The following URI1 variants were observed in gnomAD, a reference collection of about 807,000 sequenced individuals.
URI1 encodes URI1 prefoldin like chaperone.
URI1 carries 39 observed loss-of-function variants against 60.2 expected under a neutral mutation model. The ratio of observed to expected loss-of-function variants is 0.65; its 90% CI spans 0.50 to 0.85. The LOEUF (loss-of-function observed/expected upper bound fraction) is 0.85, where lower values mean the gene tolerates loss of function less well. URI1 is among the 40% of genes least tolerant of loss of function. The probability of loss-of-function intolerance (pLI) is 0.00; values close to 1 mark genes in which losing one functional copy is unlikely to be tolerated. For missense variants in URI1, 691 were observed against 665.9 expected, an observed-to-expected ratio of 1.04 and a Z score of -0.42; for synonymous variants, 251 against 236.8, an observed-to-expected ratio of 1.06 and a Z score of -0.55.
Position 30,005,562 on chromosome 19 carries a change from C to T in URI1, c.460-89C>T, listed in dbSNP as rs2055931110. On this transcript the variant is annotated intron_variant, in intron 5 of 10. Coordinates refer to ENST00000392271, the MANE Select transcript of URI1 (RefSeq NM_003796.3). ...AATTGAAGTTTAAAATGCTTTCAGA[C>T]ATCTTAGGTTGAATAGTTGCTCTTT... The T allele has an allele frequency of 4.6e-6, 7 of 1,510,136 alleles. No homozygotes were observed. The East Asian group carries it at 1.4e-4, about 30-fold the overall frequency. 93.5% of individuals were successfully genotyped at this position (1,510,136 alleles called of 1,614,324 possible).
intron 8 of URI1, among the ~76,000 whole-genome samples, chr19:30,009,614 A>G (rs1002836415): frequency 6.6e-5 from 10 of 152,116 alleles, no homozygotes; most frequent in East Asian, 1.9e-4. Context: ...CAACTACTGT[A>G]ACTTCACCTG....
intron 7 of URI1, 83 bp downstream of exon 7, chr19:30,007,721 A>T: frequency 7.9e-7 from 1 of 1,259,166 alleles, no homozygotes; most frequent in Non-Finnish European, 1.1e-6. Context: ...TTAATAAAAT[A>T]ATATGTGTTC....
At chr19:29,936,899 C>T (rs1214933513) in intron 1 of URI1, among the ~76,000 whole-genome samples, 1 of 152,014 alleles carries the variant, frequency 6.6e-6, no homozygotes, top group Non-Finnish European at 1.5e-5. Context: ...GTTACAGGTG[C>T]GCGTCACAAT....
intron 2 of URI1, among the ~76,000 whole-genome samples, chr19:29,974,479 A>G (rs1410577554): frequency 1.3e-5 from 2 of 152,354 alleles, no homozygotes; most frequent in East Asian, 1.9e-4. Context: ...AGAGTAGTAT[A>G]GTGAATCCTC....
chr19:29,948,998 A>ACGGGGCGGCTGGCCG (rs2055138855), intron 1 of URI1, among the ~76,000 whole-genome samples: 1 of 144,990 alleles, frequency 6.9e-6, no homozygotes, highest in Admixed American at 6.8e-5. Flanking sequence ...GCGGCTGGCC[A>ACGGGGCGGCTGGCCG]GGCGGGGGCT....
chr19:29,964,787 T>C (rs781218877), intron 1 of URI1, among the ~76,000 whole-genome samples: 1 of 152,008 alleles, frequency 6.6e-6, no homozygotes, highest in Non-Finnish European at 1.5e-5. Context: ...AAAAATGTAC[T>C]TCTTTAATTA....
At position 29,974,220 on chromosome 19, in the gene URI1, T is replaced by G. The variant is rs550494682; in HGVS notation, c.152+2993T>G. Among the ~76,000 whole-genome samples, 123 of 152,244 alleles carry G rather than the reference T, an allele frequency of 8.1e-4. 1 individual carries two copies. The highest frequency in any genetic ancestry group is 6.5e-5 in the Admixed American group (1 of 15,290). On this transcript the variant is annotated intron_variant, in intron 2 of 10. Transcript: ENST00000392271. ...GTAGTGAAGATCAAATGAGATCATG[T>G]CTGTAGAACACCCTGCCCGGCACTC...
chr19:30,009,101 A>G lies in URI1; in HGVS notation c.783A>G (p.Val261=), dbSNP rs2055981718. 1 of 1,614,050 alleles carries G rather than the reference A, an allele frequency of 6.2e-7. No homozygotes were observed. The highest frequency in any genetic ancestry group is 8.5e-7 in the Non-Finnish European group (1 of 1,179,960). The part of the protein sequence containing the change: ...RNTNVNAMHQ[V]TDSHTPCHKD... ...CAAATGTGAATGCGATGCATCAAGT[A>G]ACAGACTCTCATACTCCTTGTCATA... The change falls in exon 8 of 11, where the codon GTA becomes GTG. Residue 261 remains valine (V), a synonymous_variant. Coordinates refer to ENST00000392271, the MANE Select transcript of URI1 (RefSeq NM_003796.3).
chr19:30,005,794 G>A, intron 6 of URI1, 86 bp downstream of exon 6: 1 of 1,260,708 alleles, frequency 7.9e-7, no homozygotes, highest in Non-Finnish European at 1.1e-6. Context: ...AGATATTTGG[G>A]ATTTAGAATA....
At chr19:29,958,924 C>A (rs754849959) in intron 1 of URI1, among the ~76,000 whole-genome samples, 5 of 150,800 alleles carry the variant, frequency 3.3e-5, no homozygotes, top group South Asian at 2.1e-4. Context: ...CACGCCACTG[C>A]ACTCCAGCCT....
At chr19:29,970,987 C>T in intron 1 of URI1, 1 of 554,726 alleles carries the variant, frequency 1.8e-6, no homozygotes, top group Non-Finnish European at 3.2e-6. Flanking sequence ...ATTTGTTCTG[C>T]AGTTATCAGC....
intron 1 of URI1, among the ~76,000 whole-genome samples, chr19:29,962,377 T>G (rs1287827856): frequency 1.3e-5 from 2 of 149,946 alleles, no homozygotes; most frequent in African/African-American, 2.4e-5. Flanking sequence ...GGTTTAGTAC[T>G]AAATATAATA....
chr19:29,968,858 A>G (rs1451504061), intron 1 of URI1, among the ~76,000 whole-genome samples: 1 of 151,802 alleles, frequency 6.6e-6, no homozygotes, highest in Non-Finnish European at 1.5e-5. Context: ...GGCGTGAGCC[A>G]CCGCGTCTGA....
chr19:29,974,357 G>C (rs932117723), intron 2 of URI1, among the ~76,000 whole-genome samples: 2 of 151,692 alleles, frequency 1.3e-5, no homozygotes, highest in Non-Finnish European at 2.9e-5. Flanking sequence ...TGTTCATTCT[G>C]TTTTTTTGTC....
chr19:29,995,091 A>G (rs1178493283), intron 4 of URI1, among the ~76,000 whole-genome samples: 4 of 151,918 alleles, frequency 2.6e-5, no homozygotes, highest in African/African-American at 9.7e-5. Context: ...CCTATGTTGT[A>G]TTTTTTAAGG....
intron 9 of URI1, 55 bp downstream of exon 9, chr19:30,011,291 CACTGAACCTTT>C (rs2056016067): frequency 6.5e-7 from 1 of 1,536,858 alleles, no homozygotes; most frequent in South Asian, 1.3e-5. Context: ...CTCTTTCTGC[CACTGAACCTTT>C]ACTGGAGAAA....
chr19:29,957,046 A>G, intron 1 of URI1: 1 of 573,364 alleles, frequency 1.7e-6, no homozygotes, highest in Non-Finnish European at 3.1e-6. Flanking sequence ...AAGAATGCAA[A>G]TTGGATGATG....
intron 1 of URI1, among the ~76,000 whole-genome samples, chr19:29,962,199 T>TG (rs2055334566): frequency 6.6e-6 from 1 of 152,118 alleles, no homozygotes; most frequent in African/African-American, 2.4e-5. Flanking sequence ...TCCTCATTAC[T>TG]GGAGTGTCAA....
At chr19:29,960,594 C>T (rs10408505) in intron 1 of URI1, among the ~76,000 whole-genome samples, 2,474 of 152,128 alleles carry the variant, frequency 0.016, 71 homozygotes, top group African/African-American at 0.057. Context: ...GTCACACCAG[C>T]TAAATTTGTT....
Sources: allele counts gnomAD v4.1 joint callset (sites outside exome capture counted in the v4.1 genomes callset), GRCh38; gene constraint gnomAD v4.1.1; transcripts MANE v1.5; gene names NCBI Gene and HGNC (gene_info 2026-07-23, HGNC 2026-07-21).